Variants in DNAH11 observed in about 807,000 individuals in gnomAD.
The protein encoded by DNAH11 is dynein axonemal heavy chain 11, also known as axonemal beta dynein heavy chain 11.
Under a neutral mutation model 526.0 loss-of-function variants are expected in DNAH11, and 442 were observed. The observed-to-expected ratio is 0.84, with a 90% CI of 0.78 to 0.91. DNAH11 has a LOEUF of 0.91. Ranked by LOEUF, DNAH11 falls within the 40% of genes least tolerant of loss-of-function variation. DNAH11 has a pLI of 0.00. For synonymous variants in DNAH11, 2,461 were observed against 1,935.9 expected (o/e 1.27, Z -7.12); for missense variants, 6,989 against 5,448.7 (o/e 1.28, Z -8.90).
intron 28 of DNAH11, among the ~76,000 whole-genome samples, chr7:21,649,857 G>A (rs146530197): frequency 1.8e-4 from 28 of 152,120 alleles, no homozygotes; most frequent in African/African-American, 6.5e-4. Flanking sequence ...GTAGAGATGG[G>A]GTTTTGCCTT....
At chr7:21,767,971 TTG>T (rs1279454590) in intron 55 of DNAH11, among the ~76,000 whole-genome samples, 1 of 152,112 alleles carries the variant, frequency 6.6e-6, no homozygotes, top group Admixed American at 6.6e-5. Context: ...GCAAGCAGTT[TTG>T]TGTGTGTTGG....
At chr7:21,636,754 AACC>A (rs1786883713) in intron 26 of DNAH11, among the ~76,000 whole-genome samples, 1 of 152,074 alleles carries the variant, frequency 6.6e-6, no homozygotes, top group South Asian at 2.1e-4. Flanking sequence ...TAAATTTAAA[AACC>A]ATTTTTAGCT....
At chr7:21,623,125 A>C (rs1352711648) in intron 25 of DNAH11, among the ~76,000 whole-genome samples, 45 of 152,224 alleles carry the variant, frequency 3.0e-4, no homozygotes, top group Middle Eastern at 6.8e-3. Context: ...TTTACAAGAA[A>C]AAAACAACCC....
chr7:21,825,701 A>T (rs1215189428), intron 65 of DNAH11, among the ~76,000 whole-genome samples: 2 of 152,050 alleles, frequency 1.3e-5, no homozygotes, highest in Non-Finnish European at 2.9e-5. Flanking sequence ...AAATGCTTAA[A>T]AAGTGCTTTG....
intron 55 of DNAH11, among the ~76,000 whole-genome samples, chr7:21,770,155 T>C (rs1787372084): frequency 6.6e-6 from 1 of 152,070 alleles, no homozygotes; most frequent in Non-Finnish European, 1.5e-5. Context: ...CTGATAGAGG[T>C]TCAGTATCCC....
At chr7:21,623,575 A>T (rs1320986914) in intron 25 of DNAH11, among the ~76,000 whole-genome samples, 1 of 152,116 alleles carries the variant, frequency 6.6e-6, no homozygotes, top group South Asian at 2.1e-4. Context: ...CAAATGTCCA[A>T]CAATGATAGA....
intron 23 of DNAH11, 118 bp downstream of exon 23, chr7:21,617,895 A>G: frequency 1.8e-6 from 2 of 1,123,428 alleles, no homozygotes; most frequent in Non-Finnish European, 2.4e-6. Flanking sequence ...CATAGCCTCT[A>G]CTTGCTGTGT....
At chr7:21,663,783 G>A (rs1371250435) in intron 30 of DNAH11, among the ~76,000 whole-genome samples, 1 of 147,394 alleles carries the variant, frequency 6.8e-6, no homozygotes, top group Non-Finnish European at 1.5e-5. Context: ...AGACACAATA[G>A]TATTTCATTG....
intron 65 of DNAH11, among the ~76,000 whole-genome samples, chr7:21,841,223 T>C (rs941764312): frequency 2.0e-5 from 3 of 152,134 alleles, no homozygotes; most frequent in African/African-American, 7.2e-5. Context: ...TAATATTTCA[T>C]CTTTATAAAA....
At chr7:21,817,291 A>T (rs1012389855) in intron 64 of DNAH11, among the ~76,000 whole-genome samples, 2 of 152,150 alleles carry the variant, frequency 1.3e-5, no homozygotes, top group Non-Finnish European at 2.9e-5. Context: ...TTAATGTTGA[A>T]TAAATTATTT....
chr7:21,827,098 A>G (rs1369043028), intron 65 of DNAH11, among the ~76,000 whole-genome samples: 1 of 152,226 alleles, frequency 6.6e-6, no homozygotes, highest in Non-Finnish European at 1.5e-5. Context: ...TAATGGTTTC[A>G]TCAATAGCAC....
At chr7:21,659,149 G>T in intron 30 of DNAH11, 118 bp downstream of exon 30, 5 of 884,748 alleles carry the variant, frequency 5.7e-6, no homozygotes, top group Non-Finnish European at 5.1e-6. Flanking sequence ...TACTATGCTG[G>T]GAAGATTTTA....
At chr7:21,900,621 C>A (rs1016869252) in intron 81 of DNAH11, among the ~76,000 whole-genome samples, 1 of 152,128 alleles carries the variant, frequency 6.6e-6, no homozygotes, top group Admixed American at 6.5e-5. Context: ...CAAGATGTTC[C>A]TTTTTCAGTT....
chr7:21,855,188 C>T (rs1782795599), intron 68 of DNAH11, among the ~76,000 whole-genome samples: 2 of 152,102 alleles, frequency 1.3e-5, no homozygotes, highest in African/African-American at 4.8e-5. Flanking sequence ...TCCGCCACCA[C>T]ACCTGGCTAA....
intron 9 of DNAH11, among the ~76,000 whole-genome samples, chr7:21,586,825 C>T (rs573808191): frequency 6.6e-6 from 1 of 152,136 alleles, no homozygotes; most frequent in African/African-American, 2.4e-5. Flanking sequence ...ATTATAAAGC[C>T]CACACAGAAT....
rs1375156859 is a variant in DNAH11 at position 21,901,031 on chromosome 7, G to A, written c.13328G>A (p.Gly4443Glu). The change falls in exon 82 of 82, where the codon GGA becomes GAA. Residue 4443 changes from glycine to glutamate, a missense_variant. Coordinates refer to ENST00000409508, the MANE Select transcript of DNAH11 (RefSeq NM_001277115.2). ...GGCGCCCGCTGGGACACCCAAGCAG[G>A]AACCATTGTTGAAGCCCGTCTCAAG... ...MEGARWDTQA[G>E]TIVEARLKEL... is the part of the protein sequence containing the mutation. 3 of 1,609,540 alleles carry A rather than the reference G, an allele frequency of 1.9e-6. No individual in the cohort carries two copies. Among genetic ancestry groups the A allele is most frequent in the Admixed American group, 1.7e-5 (1 of 59,364 alleles).
At chr7:21,630,644 T>A (rs1220995485) in intron 25 of DNAH11, among the ~76,000 whole-genome samples, 1 of 152,238 alleles carries the variant, frequency 6.6e-6, no homozygotes, top group African/African-American at 2.4e-5. Context: ...TTTGAAAATG[T>A]CATTCCACTT....
intron 6 of DNAH11, among the ~76,000 whole-genome samples, chr7:21,568,044 G>A (rs1783743897): frequency 6.6e-6 from 1 of 152,162 alleles, no homozygotes; most frequent in Non-Finnish European, 1.5e-5. Flanking sequence ...AGTCGAGTGT[G>A]GAGTGGAGCT....
intron 65 of DNAH11, among the ~76,000 whole-genome samples, chr7:21,822,812 A>T (rs1196508581): frequency 1.3e-5 from 2 of 152,076 alleles, no homozygotes; most frequent in Non-Finnish European, 2.9e-5. Context: ...CTGGAATGAG[A>T]CGGTACCTCA....
Sources: allele counts gnomAD v4.1 joint callset (sites outside exome capture counted in the v4.1 genomes callset), GRCh38; gene constraint gnomAD v4.1.1; transcripts MANE v1.5; gene names NCBI Gene and HGNC (gene_info 2026-07-23, HGNC 2026-07-21).